The following NEBL variants were observed in gnomAD, a reference collection of about 807,000 sequenced individuals.
The protein encoded by NEBL is nebulette, also known as LIM and SH3 protein 2.
NEBL carries 122 observed loss-of-function variants against 140.2 expected under a neutral mutation model. The ratio of observed to expected loss-of-function variants is 0.87; its 90% CI spans 0.75 to 1.01. The LOEUF (loss-of-function observed/expected upper bound fraction) is 1.01, where lower values mean the gene tolerates loss of function less well. Ranked by LOEUF, NEBL falls within the 50% of genes least tolerant of loss-of-function variation. The pLI, the probability that NEBL is intolerant of heterozygous loss-of-function variation, is 0.00. For missense variants in NEBL, 1,365 were observed against 1,231.3 expected, an observed-to-expected ratio of 1.11 and a Z score of -1.62; for synonymous variants, 436 against 398.9, an observed-to-expected ratio of 1.09 and a Z score of -1.11.
chr10:21,005,835 CTTTT>C (rs545656082), intron 3 of NEBL, among the ~76,000 whole-genome samples: 3 of 143,674 alleles, frequency 2.1e-5, no homozygotes, highest in Non-Finnish European at 4.6e-5. Flanking sequence ...CATACTAACA[CTTTT>C]TTTTTTTTTT....
In NEBL at chr10:20,819,416, C is replaced by T. The variant is rs747359685; in HGVS notation, c.2055+8G>A. 2.5e-5 allele frequency: 40 copies of T among 1,613,842 alleles called. No individual in the cohort carries two copies. Among genetic ancestry groups the T allele is most frequent in the South Asian group, 2.2e-4 (20 of 91,084 alleles). Reference sequence around the variant, plus strand: ...GAGAAAATATAAAAGGAAACAGAAACGACTTGCCGCACTCAGCTGCTCCTG... The same window carrying T: ...GAGAAAATATAAAAGGAAACAGAAATGACTTGCCGCACTCAGCTGCTCCTG... On this transcript the variant is annotated splice_region_variant and intron_variant, in intron 20 of 27. Coordinates refer to ENST00000377122, the MANE Select transcript of NEBL (RefSeq NM_006393.3).
At chr10:20,852,689 G>A (rs1030817484) in intron 9 of NEBL, 40 bp from the exon 10 acceptor site, 11 of 1,438,972 alleles carry the variant, frequency 7.6e-6, no homozygotes, top group Non-Finnish European at 9.7e-6. Flanking sequence ...GAATCAAAGA[G>A]ACTGATTAGA....
chr10:21,182,700 C>T (rs1454566558), intron 3 of NEBL, among the ~76,000 whole-genome samples: 5 of 152,068 alleles, frequency 3.3e-5, no homozygotes, highest in African/African-American at 4.8e-5. Flanking sequence ...TAATGAGAGC[C>T]GCAAATGTGA....
intron 1 of NEBL, among the ~76,000 whole-genome samples, chr10:21,270,425 G>A (rs2132288589): frequency 6.6e-6 from 1 of 150,746 alleles, no homozygotes; most frequent in South Asian, 2.1e-4. Context: ...GCAGTGCAAT[G>A]ATGTGATCTT....
At chr10:21,049,921 T>C (rs1834696085) in intron 2 of NEBL, among the ~76,000 whole-genome samples, 1 of 152,196 alleles carries the variant, frequency 6.6e-6, no homozygotes, top group African/African-American at 2.4e-5. Context: ...AGAAAAATGG[T>C]CTCTCCAGAA....
intron 2 of NEBL, among the ~76,000 whole-genome samples, chr10:21,086,203 C>T (rs1400104684): frequency 6.6e-6 from 1 of 152,194 alleles, no homozygotes; most frequent in Non-Finnish European, 1.5e-5. Context: ...TTTAGGCCCA[C>T]ATGAAATAGA....
In NEBL at chr10:21,203,753, G is replaced by C. The variant is rs1841780666; in HGVS notation, n.349-31276C>G. 2.0e-5 allele frequency among the ~76,000 whole-genome samples: 3 copies of C among 152,188 alleles called. No individual in the cohort carries two copies. In the South Asian group the frequency reaches 6.2e-4, roughly 32 times the overall value. ...ATTTATTGTTCTTTTGGACTGCACA[G>C]TATCGAAAGCTCCTTCCTGCATTTG... On this transcript the variant is annotated intron_variant and non_coding_transcript_variant, in intron 3 of 8. Transcript: ENST00000675702.
intron 3 of NEBL, among the ~76,000 whole-genome samples, chr10:21,246,882 T>C (rs2132269272): frequency 6.6e-6 from 1 of 152,270 alleles, no homozygotes; most frequent in Middle Eastern, 3.4e-3. Flanking sequence ...ATAGTTTGGC[T>C]CTGTGTCCCC....
At chr10:21,227,718 TTCTTCTTCTTCTTCTTCTTCTTC>T (rs1842181577) in intron 3 of NEBL, among the ~76,000 whole-genome samples, 1 of 79,838 alleles carries the variant, frequency 1.3e-5, no homozygotes, top group African/African-American at 5.2e-5. Flanking sequence ...TTCTTTCTTC[TTCTTCTTCTTCTTCTTCTTCTTC>T]TTCTTCTTCT....
At chr10:20,851,766 C>G (rs939922993) in intron 10 of NEBL, among the ~76,000 whole-genome samples, 7 of 151,950 alleles carry the variant, frequency 4.6e-5, no homozygotes, top group African/African-American at 1.7e-4. Flanking sequence ...GCCAGGGTGA[C>G]AGTGCGAGAC....
intron 26 of NEBL, among the ~76,000 whole-genome samples, chr10:20,797,064 A>C (rs1836620359): frequency 6.6e-6 from 1 of 152,230 alleles, no homozygotes; most frequent in South Asian, 2.1e-4. Context: ...AGGTAGACAG[A>C]GATGCTATTT....
At chr10:20,787,818 C>T (rs1017413686) in intron 26 of NEBL, among the ~76,000 whole-genome samples, 5 of 152,008 alleles carry the variant, frequency 3.3e-5, no homozygotes, top group Admixed American at 6.6e-5. Context: ...CACGTTTGTT[C>T]GGTAGTTAAC....
chr10:21,015,910 T>C (rs921023592), intron 3 of NEBL, among the ~76,000 whole-genome samples: 3 of 152,234 alleles, frequency 2.0e-5, no homozygotes, highest in Admixed American at 6.5e-5. Context: ...AACTTTTGTT[T>C]CTAAGTCAGG....
intron 13 of NEBL, among the ~76,000 whole-genome samples, chr10:20,836,347 C>T (rs1010021370): frequency 6.6e-6 from 1 of 151,888 alleles, no homozygotes; most frequent in African/African-American, 2.4e-5. Flanking sequence ...CTCAGCCTCC[C>T]GAATAGCTGG....
chr10:20,852,132 G>A (rs1019195686), intron 10 of NEBL, among the ~76,000 whole-genome samples: 8 of 152,048 alleles, frequency 5.3e-5, no homozygotes, highest in Middle Eastern at 3.2e-3. Context: ...TAGTCATATT[G>A]TATTCCCTTT....
chr10:21,170,877 A>G (rs984226547), intron 2 of NEBL: 4 of 152,234 alleles, frequency 2.6e-5, no homozygotes, highest in African/African-American at 7.2e-5. Flanking sequence ...TGAAGCATGA[A>G]TTAACCAAGG....
chr10:21,278,731 C>G (rs567434556), intron 1 of NEBL, among the ~76,000 whole-genome samples: 18 of 152,294 alleles, frequency 1.2e-4, no homozygotes, highest in African/African-American at 4.3e-4. Flanking sequence ...GAGAGTACAA[C>G]CCCTTCCTTT....
At chr10:21,105,213 G>T (rs773356953) in intron 2 of NEBL, among the ~76,000 whole-genome samples, 140 of 151,770 alleles carry the variant, frequency 9.2e-4, no homozygotes, top group Non-Finnish European at 1.7e-3. Context: ...TTTTAAGTTC[G>T]GGGATACATG....
intron 1 of NEBL, among the ~76,000 whole-genome samples, chr10:21,288,509 T>A (rs1364689022): frequency 6.6e-6 from 1 of 151,004 alleles, no homozygotes; most frequent in African/African-American, 2.4e-5. Context: ...ATGCCTGTAA[T>A]CCCAGCACTT....
Sources: gnomAD v4.1 joint callset for allele counts (sites outside exome capture counted in the v4.1 genomes callset) on GRCh38, gnomAD v4.1.1 for gene constraint, MANE v1.5 for transcripts, NCBI Gene and HGNC (gene_info 2026-07-23, HGNC 2026-07-21) for gene names.